PTPRF: variants seen among roughly 807,000 people sequenced by gnomAD.
PTPRF encodes protein tyrosine phosphatase receptor type F.
Under a neutral mutation model 201.8 loss-of-function variants are expected in PTPRF, and 59 were observed. The ratio of observed to expected loss-of-function variants is 0.29; its 90% CI spans 0.24 to 0.36. PTPRF has a LOEUF of 0.36. PTPRF is among the 10% of genes least tolerant of loss of function. PTPRF has a pLI of 1.00. For synonymous variants in PTPRF, 1,088 were observed against 1,089.7 expected (o/e 1.00, Z 0.03); for missense variants, 2,132 against 2,690.5 (o/e 0.79, Z 4.59).
At position 43,619,897 on chromosome 1, in the gene PTPRF, G is replaced by T. The variant is rs757459057; in HGVS notation, c.5111+39G>T. On this transcript the variant is annotated intron_variant, in intron 29 of 33. Coordinates refer to ENST00000359947, the MANE Select transcript of PTPRF (RefSeq NM_002840.5). The stretch of plus-strand genomic sequence containing the variant: ...TCACTGCCCCACCATGCCCTACAGG[G>T]GCCTAGGCCTGTGCCTGGCTGGTGG... The T allele has an allele frequency of 3.7e-6, 6 of 1,602,836 alleles. No homozygotes were observed. The Admixed American group carries it at 5.1e-5, about 14-fold the overall frequency.
At chr1:43,608,619 AC>A (rs1288900378) in intron 21 of PTPRF, among the ~76,000 whole-genome samples, 2 of 152,216 alleles carry the variant, frequency 1.3e-5, no homozygotes, top group Admixed American at 1.3e-4. Flanking sequence ...TACAGAGCTC[AC>A]CAGAACCATC....
chr1:43,620,172 A>G lies in PTPRF; in HGVS notation c.5189A>G (p.His1730Arg), dbSNP rs772962387. 43 of 1,614,130 alleles carry G rather than the reference A, an allele frequency of 2.7e-5. No individual in the cohort carries two copies. Among genetic ancestry groups the G allele is most frequent in the Admixed American group, 1.0e-4 (6 of 60,016 alleles). The change falls in exon 30 of 34, where the codon CAC becomes CGC. Residue 1730 changes from histidine (H) to arginine (R), a missense_variant. Coordinates refer to ENST00000359947, the MANE Select transcript of PTPRF (RefSeq NM_002840.5). Reference protein sequence around the residue: ...TEDFWRMLWEHNSTIIVMLTK... With the variant: ...TEDFWRMLWERNSTIIVMLTK... ...GACTTCTGGCGCATGCTATGGGAGC[A>G]CAATTCCACCATCATCGTCATGCTG...
chr1:43,549,199 C>A (rs1179395239), intron 3 of PTPRF, among the ~76,000 whole-genome samples: 1 of 152,206 alleles, frequency 6.6e-6, no homozygotes, highest in African/African-American at 2.4e-5. Flanking sequence ...TCTGGTGGCA[C>A]CCTGTTGACC....
chr1:43,613,527 TCACATGTG>T lies in PTPRF; in HGVS notation c.3974-85_3974-78del, dbSNP rs1570666479. 1.5e-5 allele frequency: 16 copies of T among 1,032,580 alleles called. No individual in the cohort carries two copies. The East Asian group carries it at 3.8e-4, about 25-fold the overall frequency. 64.0% of individuals were successfully genotyped at this position (1,032,580 alleles called of 1,614,324 possible). ...CCAAGTGCTCCATGGTCACACATGT[TCACATGTG>T]CACATACATGCGTTGGGGCTTTCTC... On this transcript the variant is annotated intron_variant, in intron 22 of 33. Transcript: ENST00000359947.
chr1:43,565,525 C>T (rs1023222623), intron 5 of PTPRF, among the ~76,000 whole-genome samples: 4 of 152,080 alleles, frequency 2.6e-5, no homozygotes, highest in African/African-American at 7.2e-5. Context: ...TGTGGAGACT[C>T]GGGCTCTTGG....
chr1:43,610,464 T>C (rs1656170737), intron 22 of PTPRF, among the ~76,000 whole-genome samples: 1 of 152,260 alleles, frequency 6.6e-6, no homozygotes, highest in Non-Finnish European at 1.5e-5. Context: ...AGCTTGTCTT[T>C]ATTCCAGAAA....
chr1:43,605,300 C>A lies in PTPRF; in HGVS notation c.3246C>A (p.Ser1082Arg), dbSNP rs761716835. Residue 1082 changes from serine to arginine, a missense_variant, in exon 18 of 34, where the codon AGC becomes AGA. Transcript: ENST00000359947. ...EYSFVLMNRG[S>R]SAGGLQHLVS... is the part of the protein sequence containing the mutation. Reference sequence around the variant, plus strand: ...CGTTTGTGCTGATGAACCGTGGCAGCAGCGCAGGGGGCCTGCAGCACCTGG... The same window carrying A: ...CGTTTGTGCTGATGAACCGTGGCAGAAGCGCAGGGGGCCTGCAGCACCTGG... 3.0e-5 allele frequency: 49 copies of A among 1,613,200 alleles called. 1 individual carries two copies. The highest frequency in any genetic ancestry group is 6.6e-5 in the South Asian group (6 of 91,074).
intron 6 of PTPRF, among the ~76,000 whole-genome samples, chr1:43,578,463 C>CT (rs1011178464): frequency 2.0e-5 from 3 of 152,204 alleles, no homozygotes; most frequent in African/African-American, 7.2e-5. Flanking sequence ...GCCAGGAACA[C>CT]TAACAGGGAT....
intron 3 of PTPRF, among the ~76,000 whole-genome samples, chr1:43,548,836 C>CATGTGT (rs1459386530): frequency 2.0e-5 from 3 of 152,232 alleles, no homozygotes; most frequent in Admixed American, 1.3e-4. Context: ...TCCGTGTGTA[C>CATGTGT]ATGTGTATGT....
At position 43,618,657 on chromosome 1, in the gene PTPRF, C is replaced by T. The variant is rs778315843; in HGVS notation, c.4399C>T (p.Arg1467Cys). The T allele has an allele frequency of 1.4e-5, 23 of 1,612,278 alleles. No individual in the cohort carries two copies. Among genetic ancestry groups the T allele is most frequent in the African/African-American group, 4.0e-5 (3 of 74,876 alleles). ...RVKCDQYWPA[R>C]GTETCGLIQV... is the part of the protein sequence containing the mutation. Reference sequence around the variant, plus strand: ...AAAATGTGATCAGTACTGGCCAGCCCGTGGCACCGAGACCTGTGGCCTTAT... The same window carrying T: ...AAAATGTGATCAGTACTGGCCAGCCTGTGGCACCGAGACCTGTGGCCTTAT... Residue 1467 changes from arginine (R) to cysteine (C), a missense_variant, in exon 26 of 34, where the codon CGT becomes TGT. Physicochemically the swap from Arg to Cys is radical, Grantham distance 180. Coordinates refer to ENST00000359947, the MANE Select transcript of PTPRF (RefSeq NM_002840.5).
Position 43,603,847 on chromosome 1 carries a change from G to T in PTPRF, c.2695G>T (p.Gly899Cys). ...IFRLAAKNRA[G>C]LGEEFEKEIR... ...CCGGCTTGCTGCCAAGAACCGGGCT[G>T]GCTTGGGTGAGGAGTTCGAGAAGGA... Residue 899 changes from glycine (G) to cysteine (C), a missense_variant, in exon 16 of 34, where the codon GGC becomes TGC. Gly to Cys is a radical substitution (Grantham distance 159). Transcript: ENST00000359947. The surrounding 1 kb of genome is among the most constrained non-coding windows in gnomAD (Gnocchi z 5.8). The T allele has an allele frequency of 6.2e-7, 1 of 1,614,134 alleles. No individual in the cohort carries two copies.
At position 43,591,153 on chromosome 1, in the gene PTPRF, C is replaced by G. The variant is rs371794229; in HGVS notation, c.1131C>G (p.Gly377=). The stretch of plus-strand genomic sequence containing the variant: ...TGGCCACCACCCGCTACAGCATTGG[C>G]GGCCTCAGCCCTTTCTCGGAATATG... ...DGVATTRYSI[G]GLSPFSEYAF... Residue 377 remains glycine, a synonymous_variant, in exon 9 of 34, where the codon GGC becomes GGG. Coordinates refer to ENST00000359947, the MANE Select transcript of PTPRF (RefSeq NM_002840.5). The G allele has an allele frequency of 6.2e-7, 1 of 1,613,360 alleles. No individual in the cohort carries two copies.
chr1:43,557,548 T>G (rs1193899742), intron 5 of PTPRF, among the ~76,000 whole-genome samples: 1 of 150,904 alleles, frequency 6.6e-6, no homozygotes, highest in African/African-American at 2.4e-5. Flanking sequence ...GCAGGAGAAT[T>G]GCTTGAACCC....
intron 13 of PTPRF, among the ~76,000 whole-genome samples, chr1:43,600,736 G>A (rs745822440): frequency 3.3e-5 from 5 of 150,154 alleles, no homozygotes; most frequent in Non-Finnish European, 5.9e-5. Context: ...TTCCCCTCTC[G>A]TGGCCTGCAT....
Position 43,606,415 on chromosome 1 carries a change from A to G in PTPRF, c.3659A>G (p.Tyr1220Cys). ...YNRPLSPDLS[Y>C]QCFVLASLKE... ...CGGCCCCTGTCTCCGGACTTGAGCTACCAGTGCTTTGTGCTTGCCTCCTTG... is the reference window on the plus strand; with the variant it reads ...CGGCCCCTGTCTCCGGACTTGAGCTGCCAGTGCTTTGTGCTTGCCTCCTTG... The change falls in exon 20 of 34, where the codon TAC (tyrosine) becomes TGC (cysteine). Residue 1220 changes from tyrosine (Y) to cysteine (C), a missense_variant. By Grantham distance (194) the Tyr-to-Cys change is radical (BLOSUM62 -2). Transcript: ENST00000359947. The G allele has an allele frequency of 6.2e-7, 1 of 1,614,124 alleles. No homozygotes were observed. Among genetic ancestry groups the G allele is most frequent in the Non-Finnish European group, 8.5e-7 (1 of 1,180,018 alleles).
chr1:43,591,542 C>T lies in PTPRF; in HGVS notation c.1520C>T (p.Thr507Met), dbSNP rs1461665604. The T allele has an allele frequency of 8.2e-6, 13 of 1,580,840 alleles. No homozygotes were observed. The highest frequency in any genetic ancestry group is 1.1e-5 in the South Asian group (1 of 87,638). ...CCCAGCCCCACCATCCAGGTCAAGACGCAGCAGGGAGGTAGGTGGGGGCAT... is the reference window on the plus strand; with the variant it reads ...CCCAGCCCCACCATCCAGGTCAAGATGCAGCAGGGAGGTAGGTGGGGGCAT... ...GPPSPTIQVKTQQGVPAQPAD... is the reference protein window; with the variant it reads ...GPPSPTIQVKMQQGVPAQPAD... The change falls in exon 9 of 34, where the codon ACG becomes ATG. Residue 507 changes from threonine to methionine, a missense_variant. By Grantham distance (81) the Thr-to-Met change is moderately conservative. Coordinates refer to ENST00000359947, the MANE Select transcript of PTPRF (RefSeq NM_002840.5).
intron 7 of PTPRF, among the ~76,000 whole-genome samples, chr1:43,580,423 C>A (rs761957725): frequency 2.6e-5 from 4 of 152,208 alleles, no homozygotes; most frequent in Non-Finnish European, 5.9e-5. Flanking sequence ...TTGTGGTGGG[C>A]AAATTGTGCT....
rs1237784010 is a variant in PTPRF, at chr1:43,532,043, G to T, written c.-126+953G>T. On this transcript the variant is annotated intron_variant, in intron 1 of 33. Transcript: ENST00000359947. Reference sequence around the variant, plus strand: ...TCTCTCGATTCTGTCTCCCTGGGTCGTCTTGTTCCCTGTCCCTGAGTCTGT... The same window carrying T: ...TCTCTCGATTCTGTCTCCCTGGGTCTTCTTGTTCCCTGTCCCTGAGTCTGT... Among the ~76,000 whole-genome samples the T allele has an allele frequency of 1.2e-4, 19 of 152,202 alleles. 1 individual carries two copies. The highest frequency in any genetic ancestry group is 1.1e-3 in the Admixed American group (17 of 15,292).
At chr1:43,600,264 G>T (rs1466181052) in intron 13 of PTPRF, among the ~76,000 whole-genome samples, 1 of 152,146 alleles carries the variant, frequency 6.6e-6, no homozygotes, top group Non-Finnish European at 1.5e-5. Context: ...CTCTCTGAGG[G>T]GGCCAGTGGC....
Sources: gnomAD v4.1 joint callset for allele counts (sites outside exome capture counted in the v4.1 genomes callset) on GRCh38, gnomAD v4.1.1 for gene constraint, Gnocchi (gnomAD v3.1) non-coding constraint, MANE v1.5 for transcripts, NCBI Gene and HGNC (gene_info 2026-07-23, HGNC 2026-07-21) for gene names.